Variants in ADORA2B observed in about 807,000 individuals in gnomAD.
ADORA2B encodes adenosine A2b receptor.
Under a neutral mutation model 20.8 loss-of-function variants are expected in ADORA2B, and 18 were observed. That is an observed-to-expected ratio of 0.87 (90% confidence interval 0.60 to 1.29). The LOEUF is 1.29. Among genes scored for constraint, ADORA2B ranks in the 50% most tolerant of loss-of-function variants. ADORA2B has a pLI of 0.00. For synonymous variants in ADORA2B, 179 were observed against 178.3 expected (o/e 1.00, Z -0.03); for missense variants, 441 against 422.7 (o/e 1.04, Z -0.38).
the ADORA2B span, among the ~76,000 whole-genome samples, chr17:15,853,879 GT>G: frequency 6.6e-6 from 1 of 150,886 alleles, no homozygotes; most frequent in Non-Finnish European, 1.5e-5. Flanking sequence ...AAAGGTCAGT[GT>G]CTCTCATGAA....
intron 1 of ADORA2B, among the ~76,000 whole-genome samples, chr17:15,950,206 C>T (rs1408579722): frequency 1.3e-5 from 2 of 152,140 alleles, no homozygotes; most frequent in East Asian, 1.9e-4. Flanking sequence ...CAGAGAAGGC[C>T]GTTTGAAGGT....
chr17:15,854,797 TATATC>T, the ADORA2B span, among the ~76,000 whole-genome samples: 1 of 152,214 alleles, frequency 6.6e-6, no homozygotes, highest in Non-Finnish European at 1.5e-5. Context: ...TCCTAATGCT[TATATC>T]AATATCAATG....
At chr17:15,887,783 TA>T in the ADORA2B span, among the ~76,000 whole-genome samples, 5 of 117,656 alleles carry the variant, frequency 4.2e-5, no homozygotes, top group Non-Finnish European at 6.9e-5. Flanking sequence ...ACGTCTCTAC[TA>T]AAAAAAAATA....
At chr17:15,866,848 T>C in the ADORA2B span, among the ~76,000 whole-genome samples, 3 of 152,194 alleles carry the variant, frequency 2.0e-5, no homozygotes, top group Non-Finnish European at 4.4e-5. Flanking sequence ...AAAGCTGGAC[T>C]GTACTGCTGC....
chr17:15,904,494 T>G, the ADORA2B span, among the ~76,000 whole-genome samples: 1 of 151,624 alleles, frequency 6.6e-6, no homozygotes, highest in Admixed American at 6.6e-5. Context: ...TTCATGCCAT[T>G]CTCCTGCCTC....
the ADORA2B span, among the ~76,000 whole-genome samples, chr17:15,923,642 G>A: frequency 9.6e-3 from 1,459 of 151,632 alleles, 20 homozygotes; most frequent in African/African-American, 0.033. Context: ...TCCTGACCTC[G>A]TGATCCACGC....
chr17:15,869,193 A>T, the ADORA2B span, among the ~76,000 whole-genome samples: 1 of 151,426 alleles, frequency 6.6e-6, no homozygotes, highest in African/African-American at 2.4e-5. Context: ...GGTGACGCAC[A>T]ACTGTAATCC....
chr17:15,901,875 G>T, the ADORA2B span, among the ~76,000 whole-genome samples: 1 of 152,114 alleles, frequency 6.6e-6, no homozygotes, highest in African/African-American at 2.4e-5. Flanking sequence ...TTTTATTGTG[G>T]TAAAATACAC....
chr17:15,926,039 A>T, the ADORA2B span, among the ~76,000 whole-genome samples: 1 of 152,140 alleles, frequency 6.6e-6, no homozygotes, highest in Middle Eastern at 3.4e-3. Flanking sequence ...CTCCAAAGCA[A>T]TTTTTTTCTG....
chr17:15,872,203 T>C, the ADORA2B span, among the ~76,000 whole-genome samples: 1 of 152,128 alleles, frequency 6.6e-6, no homozygotes, highest in Non-Finnish European at 1.5e-5. Flanking sequence ...CTAGTGATGG[T>C]CGCACAACAT....
the ADORA2B span, among the ~76,000 whole-genome samples, chr17:15,852,310 T>C: frequency 6.6e-6 from 1 of 152,192 alleles, no homozygotes; most frequent in East Asian, 1.9e-4. Context: ...CTTAACATCT[T>C]AAAGAAGTCT....
At chr17:15,881,879 G>A in the ADORA2B span, among the ~76,000 whole-genome samples, 1 of 152,328 alleles carries the variant, frequency 6.6e-6, no homozygotes, top group East Asian at 1.9e-4. Flanking sequence ...CTACCACTAT[G>A]GCTTGAAAAC....
chr17:15,923,456 G>A, the ADORA2B span, among the ~76,000 whole-genome samples: 1 of 150,966 alleles, frequency 6.6e-6, no homozygotes, highest in South Asian at 2.1e-4. Flanking sequence ...CCAGGCTGGA[G>A]TGCAGTGGCG....
At chr17:15,905,286 G>GT in the ADORA2B span, among the ~76,000 whole-genome samples, 2 of 150,350 alleles carry the variant, frequency 1.3e-5, no homozygotes, top group East Asian at 2.0e-4. Flanking sequence ...GTTGTTGTTG[G>GT]GGGGGGGTTG....
chr17:15,902,756 C>A, the ADORA2B span, among the ~76,000 whole-genome samples: 16 of 130,966 alleles, frequency 1.2e-4, no homozygotes, highest in African/African-American at 4.3e-4. Flanking sequence ...AGCTGACATA[C>A]CATTACAAAG....
At chr17:15,917,382 G>T in the ADORA2B span, among the ~76,000 whole-genome samples, 1 of 152,244 alleles carries the variant, frequency 6.6e-6, no homozygotes, top group Non-Finnish European at 1.5e-5. Flanking sequence ...GTCTCGAGGG[G>T]CACGTTCCCT....
rs1970246415 is a variant in ADORA2B at position 15,975,533 on chromosome 17, A to G, written c.*191A>G. 2.5e-5 allele frequency: 15 copies of G among 606,468 alleles called. No homozygotes were observed. The highest frequency in any genetic ancestry group is 3.2e-5 in the Non-Finnish European group (11 of 347,136). The allele number at this position is 606,468 out of a possible 1,614,324, so 37.6% of individuals were successfully genotyped here. Reference sequence around the variant, plus strand: ...TAGTAGGCTCCAAGGATTGACAAATATATTTATGATCTATTCAGCTGCTTT... The same window carrying G: ...TAGTAGGCTCCAAGGATTGACAAATGTATTTATGATCTATTCAGCTGCTTT... On this transcript the variant is annotated 3_prime_UTR_variant, in exon 2 of 2. Transcript: ENST00000304222.
chr17:15,905,543 C>CTT, the ADORA2B span, among the ~76,000 whole-genome samples: 1 of 147,112 alleles, frequency 6.8e-6, no homozygotes, highest in African/African-American at 2.5e-5. Flanking sequence ...CCAAACCCAG[C>CTT]TTTTTTTTTT....
chr17:15,972,404 C>T (rs1970199764), intron 1 of ADORA2B, among the ~76,000 whole-genome samples: 1 of 152,194 alleles, frequency 6.6e-6, no homozygotes, highest in African/African-American at 2.4e-5. Flanking sequence ...ATTTCATTTA[C>T]TTAATACATT....
Sources: allele counts gnomAD v4.1 joint callset (sites outside exome capture counted in the v4.1 genomes callset), GRCh38; gene constraint gnomAD v4.1.1; transcripts MANE v1.5; gene names NCBI Gene and HGNC (gene_info 2026-07-23, HGNC 2026-07-21).